The following C12orf42 variants were observed in gnomAD, a reference collection of about 807,000 sequenced individuals.
The protein encoded by C12orf42 is chromosome 12 open reading frame 42.
C12orf42 carries 25 observed loss-of-function variants against 21.6 expected under a neutral mutation model. The ratio of observed to expected loss-of-function variants is 1.16; its 90% CI spans 0.84 to 1.62. The LOEUF (loss-of-function observed/expected upper bound fraction) is 1.62, where lower values mean the gene tolerates loss of function less well. C12orf42 is among the 40% of genes most tolerant of loss of function. C12orf42 has a pLI of 0.00. For missense variants in C12orf42, 483 were observed against 459.3 expected (o/e 1.05, Z -0.47); for synonymous variants, 174 against 175.0 (o/e 0.99, Z 0.05).
the C12orf42 span, among the ~76,000 whole-genome samples, chr12:103,098,509 C>T: frequency 9.9e-5 from 15 of 152,110 alleles, no homozygotes; most frequent in Non-Finnish European, 2.1e-4. Flanking sequence ...TTAATAACTG[C>T]AAAAACAATT....
intron 2 of C12orf42, among the ~76,000 whole-genome samples, chr12:103,467,811 T>C (rs907897333): frequency 6.6e-6 from 1 of 152,212 alleles, no homozygotes; most frequent in African/African-American, 2.4e-5. Context: ...CTGACATTAC[T>C]AAAAACCAAA....
chr12:103,233,405 A>C (rs2136147012), downstream of C12orf42, among the ~76,000 whole-genome samples: 1 of 152,306 alleles, frequency 6.6e-6, no homozygotes, highest in East Asian at 1.9e-4. Context: ...TCTATAGATC[A>C]AGTTGGGAAG....
At chr12:103,397,628 G>A (rs1283043210) in intron 3 of C12orf42, 1 of 152,152 alleles carries the variant, frequency 6.6e-6, no homozygotes, top group African/African-American at 2.4e-5. Flanking sequence ...ACCAATTCCT[G>A]ATGGCAAAAA....
chr12:103,442,711 A>G (rs868641594), intron 2 of C12orf42, among the ~76,000 whole-genome samples: 1 of 152,138 alleles, frequency 6.6e-6, no homozygotes, highest in African/African-American at 2.4e-5. Flanking sequence ...CAAATAATAC[A>G]TTAAGCGCTT....
intron 4 of C12orf42, among the ~76,000 whole-genome samples, chr12:103,280,668 T>C (rs896852621): frequency 2.6e-5 from 4 of 152,150 alleles, no homozygotes; most frequent in Admixed American, 6.6e-5. Flanking sequence ...AAGTAAAGGA[T>C]AAAATACAAT....
At chr12:103,065,024 G>T in the C12orf42 span, among the ~76,000 whole-genome samples, 1 of 152,172 alleles carries the variant, frequency 6.6e-6, no homozygotes, top group Admixed American at 6.5e-5. Flanking sequence ...GACTGGTAGG[G>T]TGAGGATTAT....
chr12:103,306,284 G>A lies in C12orf42; in HGVS notation c.321C>T (p.Tyr107=). The change falls in exon 5 of 6, where the codon TAC becomes TAT. Residue 107 remains tyrosine, a synonymous_variant. Coordinates refer to ENST00000548883, the MANE Select transcript of C12orf42 (RefSeq NM_198521.5). ...ACKRLLHTCQ[Y]IVPRCSVSTV... The stretch of plus-strand genomic sequence containing the variant: ...TGCTTACAGAACACCTGGGGACTAT[G>A]TACTGGCAAGTATGAAGTAGTCTTT... 1.2e-6 allele frequency: 2 copies of A among 1,613,522 alleles called. No homozygotes were observed. Among genetic ancestry groups the A allele is most frequent in the Non-Finnish European group, 1.7e-6 (2 of 1,179,698 alleles).
At chr12:103,283,287 T>C (rs1017911218) in intron 4 of C12orf42, among the ~76,000 whole-genome samples, 7 of 152,206 alleles carry the variant, frequency 4.6e-5, no homozygotes, top group Non-Finnish European at 1.0e-4. Context: ...TGTCCATTTC[T>C]ACAATCACTG....
chr12:103,384,028 G>A (rs1351767295), intron 3 of C12orf42, among the ~76,000 whole-genome samples: 1 of 152,110 alleles, frequency 6.6e-6, no homozygotes, highest in African/African-American at 2.4e-5. Flanking sequence ...GGATGCAGTG[G>A]GTAGATTTTC....
chr12:103,437,549 A>G (rs1950832470), intron 2 of C12orf42, among the ~76,000 whole-genome samples: 1 of 152,106 alleles, frequency 6.6e-6, no homozygotes, highest in South Asian at 2.1e-4. Flanking sequence ...TCAAATAGAC[A>G]CAATAAAAAA....
At chr12:103,181,433 T>G in the C12orf42 span, among the ~76,000 whole-genome samples, 1 of 152,200 alleles carries the variant, frequency 6.6e-6, no homozygotes, top group Non-Finnish European at 1.5e-5. Flanking sequence ...TAGGTCTCAC[T>G]TTCCAAACTT....
the C12orf42 span, among the ~76,000 whole-genome samples, chr12:103,206,522 A>AT: frequency 2.3e-3 from 81 of 35,324 alleles, no homozygotes; most frequent in Middle Eastern, 0.016. Context: ...TTTCTATATT[A>AT]CACACACACA....
At chr12:103,429,168 G>A (rs1264065435) in intron 2 of C12orf42, among the ~76,000 whole-genome samples, 1 of 152,146 alleles carries the variant, frequency 6.6e-6, no homozygotes, top group South Asian at 2.1e-4. Context: ...AGGAAGAGAG[G>A]AAGTCAAATT....
the C12orf42 span, among the ~76,000 whole-genome samples, chr12:103,047,742 C>T: frequency 6.6e-6 from 1 of 152,166 alleles, no homozygotes; most frequent in African/African-American, 2.4e-5. Context: ...CTGACATCAG[C>T]TTTGGGCCAG....
At chr12:103,083,623 C>G in the C12orf42 span, among the ~76,000 whole-genome samples, 2 of 152,118 alleles carry the variant, frequency 1.3e-5, no homozygotes, top group African/African-American at 4.8e-5. Context: ...GCATATCGCT[C>G]TTTAGATGGA....
At chr12:103,113,711 G>A in the C12orf42 span, among the ~76,000 whole-genome samples, 8 of 152,066 alleles carry the variant, frequency 5.3e-5, no homozygotes, top group Non-Finnish European at 1.2e-4. Flanking sequence ...GAGAGAGTTT[G>A]GTTTAAGGTA....
chr12:103,135,344 G>A, the C12orf42 span, among the ~76,000 whole-genome samples: 2 of 152,074 alleles, frequency 1.3e-5, no homozygotes, highest in Non-Finnish European at 2.9e-5. Flanking sequence ...TGTAGTCCCA[G>A]CTACTCAGGA....
chr12:103,378,903 T>C (rs1371159765), intron 3 of C12orf42: 1 of 151,944 alleles, frequency 6.6e-6, no homozygotes, highest in African/African-American at 2.4e-5. Context: ...AAAGAAAATA[T>C]CAATGAAAAT....
chr12:103,141,954 G>A, the C12orf42 span, among the ~76,000 whole-genome samples: 1 of 152,042 alleles, frequency 6.6e-6, no homozygotes, highest in Non-Finnish European at 1.5e-5. Flanking sequence ...GTTGGGGAAA[G>A]ATAAATGAAC....
Sources: allele counts gnomAD v4.1 joint callset (sites outside exome capture counted in the v4.1 genomes callset), GRCh38; gene constraint gnomAD v4.1.1; transcripts MANE v1.5; gene names NCBI Gene and HGNC (gene_info 2026-07-23, HGNC 2026-07-21).